Variants in GPC5 observed in about 807,000 individuals in gnomAD.
GPC5 encodes glypican 5.
In GPC5, 47 loss-of-function variants were observed where a neutral mutation model predicts 53.9. The observed-to-expected ratio is 0.87, with a 90% CI of 0.69 to 1.11. The LOEUF is 1.11. Ranked by LOEUF, GPC5 falls within the 50% of genes most tolerant of loss-of-function variation. The pLI is 0.00. For synonymous variants in GPC5, 286 were observed against 263.3 expected, an observed-to-expected ratio of 1.09 and a Z score of -0.84; for missense variants, 748 against 713.1, an observed-to-expected ratio of 1.05 and a Z score of -0.56.
At chr13:92,157,777 A>G (rs951382866) in intron 7 of GPC5, among the ~76,000 whole-genome samples, 1 of 152,040 alleles carries the variant, frequency 6.6e-6, no homozygotes, top group Non-Finnish European at 1.5e-5. Context: ...TCCCCTTTTC[A>G]TATTTTATCA....
chr13:92,248,159 C>T (rs1429822371), intron 7 of GPC5, among the ~76,000 whole-genome samples: 1 of 151,106 alleles, frequency 6.6e-6, no homozygotes, highest in African/African-American at 2.4e-5. Context: ...CTGTACAATA[C>T]TTTGACGGGT....
At chr13:92,029,965 A>T (rs913161198) in intron 6 of GPC5, among the ~76,000 whole-genome samples, 2 of 152,308 alleles carry the variant, frequency 1.3e-5, no homozygotes, top group African/African-American at 4.8e-5. Context: ...AAAAAGTACT[A>T]GGAGAATTGT....
chr13:91,742,426 T>C (rs1314311208), intron 4 of GPC5, among the ~76,000 whole-genome samples: 1 of 152,200 alleles, frequency 6.6e-6, no homozygotes, highest in African/African-American at 2.4e-5. Context: ...AAAAATGCTC[T>C]TACTTTCTAG....
intron 2 of GPC5, among the ~76,000 whole-genome samples, chr13:91,668,215 G>A (rs2035162262): frequency 6.6e-6 from 1 of 152,198 alleles, no homozygotes; most frequent in African/African-American, 2.4e-5. Context: ...ATACAGTGGT[G>A]TTGTTTGAGC....
At chr13:91,929,927 A>G (rs1351096291) in intron 6 of GPC5, among the ~76,000 whole-genome samples, 1 of 152,096 alleles carries the variant, frequency 6.6e-6, no homozygotes, top group Non-Finnish European at 1.5e-5. Context: ...ATTATTTAGT[A>G]GTTATTACAA....
At chr13:91,929,400 T>C (rs1243279651) in intron 6 of GPC5, among the ~76,000 whole-genome samples, 1 of 152,148 alleles carries the variant, frequency 6.6e-6, no homozygotes, top group Non-Finnish European at 1.5e-5. Context: ...AATTTTCTTC[T>C]TTTTGAGGTT....
intron 7 of GPC5, among the ~76,000 whole-genome samples, chr13:92,829,523 C>A (rs1014559833): frequency 2.0e-5 from 3 of 152,040 alleles, no homozygotes; most frequent in Non-Finnish European, 4.4e-5. Flanking sequence ...GTGGTTTCTG[C>A]AGAACAAAAT....
intron 1 of GPC5, among the ~76,000 whole-genome samples, chr13:91,440,875 A>G (rs548214677): frequency 2.0e-5 from 3 of 152,286 alleles, no homozygotes; most frequent in African/African-American, 4.8e-5. Flanking sequence ...TATGTGAGGT[A>G]TGGTTCAGGG....
chr13:92,479,720 C>A (rs1879279577), intron 7 of GPC5, among the ~76,000 whole-genome samples: 1 of 152,082 alleles, frequency 6.6e-6, no homozygotes, highest in Non-Finnish European at 1.5e-5. Context: ...ATAAATAAAT[C>A]CTCAGATGAT....
chr13:91,414,525 T>C (rs1878040981), intron 1 of GPC5, among the ~76,000 whole-genome samples: 1 of 152,204 alleles, frequency 6.6e-6, no homozygotes, highest in South Asian at 2.1e-4. Context: ...GTTCACACTT[T>C]AAGATTTCAG....
chr13:91,539,605 C>T (rs1296619101), intron 2 of GPC5, among the ~76,000 whole-genome samples: 1 of 152,136 alleles, frequency 6.6e-6, no homozygotes, highest in African/African-American at 2.4e-5. Context: ...GGGTCACCTT[C>T]CTACCCTAGA....
chr13:92,748,721 C>A (rs191903292), intron 7 of GPC5, among the ~76,000 whole-genome samples: 50 of 152,176 alleles, frequency 3.3e-4, no homozygotes, highest in Middle Eastern at 3.4e-3. Context: ...CTTTGAAGTA[C>A]ATTTTTATTT....
rs559445567 is a variant in GPC5 at position 92,517,337 on chromosome 13, A to G, written c.1562-348945A>G. Among the ~76,000 whole-genome samples, 4 of 152,280 alleles carry G rather than the reference A, an allele frequency of 2.6e-5. No individual in the cohort carries two copies. In the East Asian group the frequency reaches 7.8e-4, roughly 30 times the overall value. ...CCTGTCTGACAGCTTTGAAGAGAGT[A>G]GTGTTTCTCCCAGCATGCAGCTTGA... On this transcript the variant is annotated intron_variant, in intron 7 of 7. Transcript: ENST00000377067.
chr13:92,438,894 T>G (rs1877434211), intron 7 of GPC5, among the ~76,000 whole-genome samples: 1 of 152,064 alleles, frequency 6.6e-6, no homozygotes, highest in Non-Finnish European at 1.5e-5. Context: ...GAAGAGAAAG[T>G]AAGCATGCTG....
intron 6 of GPC5, among the ~76,000 whole-genome samples, chr13:91,984,971 T>C (rs1054522543): frequency 6.6e-6 from 1 of 152,218 alleles, no homozygotes; most frequent in African/African-American, 2.4e-5. Flanking sequence ...GTTTCAAAGA[T>C]GACAAATTAA....
At chr13:91,440,146 T>A (rs1880313592) in intron 1 of GPC5, among the ~76,000 whole-genome samples, 1 of 152,166 alleles carries the variant, frequency 6.6e-6, no homozygotes, top group African/African-American at 2.4e-5. Flanking sequence ...ATTTGAAAAA[T>A]TTACAGTAAT....
At chr13:92,764,607 C>T (rs1875320914) in intron 7 of GPC5, among the ~76,000 whole-genome samples, 1 of 152,166 alleles carries the variant, frequency 6.6e-6, no homozygotes, top group African/African-American at 2.4e-5. Flanking sequence ...AGTTCTCAGT[C>T]GATCCCAACT....
intron 5 of GPC5, among the ~76,000 whole-genome samples, chr13:91,870,538 A>G (rs983630613): frequency 6.6e-6 from 1 of 152,200 alleles, no homozygotes; most frequent in African/African-American, 2.4e-5. Context: ...TGACACTTAC[A>G]GTGCAGTTCA....
intron 2 of GPC5, among the ~76,000 whole-genome samples, chr13:91,677,738 A>G (rs1474047906): frequency 6.6e-6 from 1 of 152,214 alleles, no homozygotes; most frequent in Non-Finnish European, 1.5e-5. Context: ...TTCTAAAGTC[A>G]TATCTTTGAA....
Sources: allele counts gnomAD v4.1 joint callset (sites outside exome capture counted in the v4.1 genomes callset), GRCh38; gene constraint gnomAD v4.1.1; transcripts MANE v1.5; gene names NCBI Gene and HGNC (gene_info 2026-07-23, HGNC 2026-07-21).